The following AP4S1 variants were observed in gnomAD, a reference collection of about 807,000 sequenced individuals.
AP4S1 encodes AP-4 complex subunit sigma-1.
AP4S1 carries 23 observed loss-of-function variants against 19.8 expected under a neutral mutation model. The ratio of observed to expected loss-of-function variants is 1.16; its 90% CI spans 0.84 to 1.65. AP4S1 has a LOEUF of 1.65. Ranked by LOEUF, AP4S1 falls within the 40% of genes most tolerant of loss-of-function variation. AP4S1 has a pLI of 0.00. For synonymous variants in AP4S1, 46 were observed against 54.1 expected, an observed-to-expected ratio of 0.85 and a Z score of 0.66; for missense variants, 166 against 172.8, an observed-to-expected ratio of 0.96 and a Z score of 0.22.
chr14:31,081,727 T>G (rs1413428456), intron 5 of AP4S1, among the ~76,000 whole-genome samples: 1 of 151,702 alleles, frequency 6.6e-6, no homozygotes, highest in Non-Finnish European at 1.5e-5. Flanking sequence ...TATACATACA[T>G]GTATTTATGT....
intron 1 of AP4S1, chr14:31,026,704 TTC>T (rs1414751243): frequency 6.6e-6 from 1 of 152,658 alleles, no homozygotes; most frequent in African/African-American, 2.4e-5. Flanking sequence ...GGCCTTAGGC[TTC>T]CTGGTTATCA....
chr14:31,057,984 C>G (rs569869167), intron 1 of AP4S1, among the ~76,000 whole-genome samples: 12 of 151,192 alleles, frequency 7.9e-5, no homozygotes, highest in African/African-American at 2.9e-4. Flanking sequence ...GGCTGGAGTG[C>G]AGTGGAGTGA....
chr14:31,051,812 T>C (rs1243232117), intron 1 of AP4S1, among the ~76,000 whole-genome samples: 2 of 152,042 alleles, frequency 1.3e-5, no homozygotes, highest in African/African-American at 4.8e-5. Flanking sequence ...AGGCATGCAC[T>C]ACCACACCTG....
chr14:31,067,313 TG>T, intron 2 of AP4S1, among the ~76,000 whole-genome samples: 1 of 151,910 alleles, frequency 6.6e-6, no homozygotes, highest in East Asian at 1.9e-4. Context: ...AGGGTACATG[TG>T]GACAACATGC....
At chr14:31,071,371 TA>T (rs1886989241) in intron 3 of AP4S1, among the ~76,000 whole-genome samples, 1 of 152,162 alleles carries the variant, frequency 6.6e-6, no homozygotes, top group Non-Finnish European at 1.5e-5. Context: ...CTCTAAGTGC[TA>T]GACACTAAGA....
intron 1 of AP4S1, among the ~76,000 whole-genome samples, chr14:31,047,183 T>G (rs1410094893): frequency 6.6e-6 from 1 of 152,186 alleles, no homozygotes; most frequent in Admixed American, 6.6e-5. Flanking sequence ...ATTGTCTGTT[T>G]TTTAATTATG....
chr14:31,073,444 C>A (rs1447453182), intron 4 of AP4S1, among the ~76,000 whole-genome samples: 2 of 140,524 alleles, frequency 1.4e-5, no homozygotes, highest in Non-Finnish European at 3.2e-5. Context: ...GAGCCGAGAT[C>A]CCGCCACTGC....
At chr14:31,056,347 GT>G (rs1299955565) in intron 1 of AP4S1, among the ~76,000 whole-genome samples, 1 of 150,376 alleles carries the variant, frequency 6.6e-6, no homozygotes, top group Non-Finnish European at 1.5e-5. Flanking sequence ...TACCATACTT[GT>G]TTTTTTTCTT....
At chr14:31,057,383 G>A (rs1886177930) in intron 1 of AP4S1, among the ~76,000 whole-genome samples, 1 of 152,200 alleles carries the variant, frequency 6.6e-6, no homozygotes, top group Non-Finnish European at 1.5e-5. Context: ...GTTAGTCACA[G>A]TTGACACCCA....
chr14:31,067,982 C>T (rs1488900873), intron 2 of AP4S1, among the ~76,000 whole-genome samples: 12 of 152,122 alleles, frequency 7.9e-5, no homozygotes, highest in African/African-American at 2.9e-4. Flanking sequence ...GATTCTCCTG[C>T]CTCAGCCTCC....
intron 5 of AP4S1, chr14:31,084,984 C>T: frequency 6.4e-7 from 1 of 1,564,686 alleles, no homozygotes; most frequent in South Asian, 1.2e-5. Context: ...TACAGAAAAC[C>T]TCCACGGCCT....
chr14:31,026,187 G>GC, intron 1 of AP4S1: 1 of 1,456,498 alleles, frequency 6.9e-7, no homozygotes, highest in Non-Finnish European at 9.0e-7. Context: ...CTCGTCCATT[G>GC]TGTGTGGGGC....
chr14:31,047,056 G>A (rs1337237826), intron 1 of AP4S1, among the ~76,000 whole-genome samples: 3 of 152,120 alleles, frequency 2.0e-5, no homozygotes, highest in African/African-American at 4.8e-5. Flanking sequence ...GTGTGAAATT[G>A]TATCTTACTG....
chr14:31,055,045 C>G (rs1164778109), intron 1 of AP4S1, among the ~76,000 whole-genome samples: 2 of 150,896 alleles, frequency 1.3e-5, no homozygotes, highest in Non-Finnish European at 2.9e-5. Context: ...CCTTAAAATA[C>G]CTGACCAATA....
chr14:31,047,287 C>T (rs1023795944), intron 1 of AP4S1, among the ~76,000 whole-genome samples: 1 of 151,772 alleles, frequency 6.6e-6, no homozygotes, highest in African/African-American at 2.4e-5. Flanking sequence ...CAGTCTGTGA[C>T]ACTTCATTTT....
chr14:31,043,492 T>C (rs1341745338), intron 1 of AP4S1, among the ~76,000 whole-genome samples: 1 of 152,060 alleles, frequency 6.6e-6, no homozygotes, highest in Non-Finnish European at 1.5e-5. Flanking sequence ...CTTAGGACTG[T>C]AGTAGGGAGA....
At chr14:31,060,041 A>G (rs963602504) in intron 1 of AP4S1, among the ~76,000 whole-genome samples, 1 of 146,770 alleles carries the variant, frequency 6.8e-6, no homozygotes, top group Non-Finnish European at 1.5e-5. Context: ...GTATATATGT[A>G]TATATATTTA....
intron 1 of AP4S1, among the ~76,000 whole-genome samples, chr14:31,028,534 G>T: frequency 6.6e-6 from 1 of 151,772 alleles, no homozygotes; most frequent in East Asian, 1.9e-4. Flanking sequence ...TCCTTTTTAG[G>T]GGGCGTCATA....
At chr14:31,055,033 T>G (rs1409579639) in intron 1 of AP4S1, among the ~76,000 whole-genome samples, 1 of 151,202 alleles carries the variant, frequency 6.6e-6, no homozygotes, top group Non-Finnish European at 1.5e-5. Flanking sequence ...TCAGGGGACA[T>G]TCCTTAAAAT....
Sources: allele counts gnomAD v4.1 joint callset (sites outside exome capture counted in the v4.1 genomes callset), GRCh38; gene constraint gnomAD v4.1.1; transcripts MANE v1.5; gene names NCBI Gene and HGNC (gene_info 2026-07-23, HGNC 2026-07-21).